The following PDE4B variants were observed in gnomAD, a reference collection of about 807,000 sequenced individuals.
PDE4B encodes 3',5'-cyclic-AMP phosphodiesterase 4B.
PDE4B carries 20 observed loss-of-function variants against 82.2 expected under a neutral mutation model. The observed-to-expected ratio is 0.24, with a 90% CI of 0.17 to 0.35. PDE4B has a LOEUF of 0.35. PDE4B is among the 10% of genes least tolerant of loss of function. The pLI is 1.00. For synonymous variants in PDE4B, 320 were observed against 318.9 expected (o/e 1.00, Z -0.04); for missense variants, 655 against 907.2 (o/e 0.72, Z 3.57).
chr1:66,032,670 T>A (rs1653848474), intron 3 of PDE4B, among the ~76,000 whole-genome samples: 1 of 151,140 alleles, frequency 6.6e-6, no homozygotes, highest in Non-Finnish European at 1.5e-5. Context: ...TTTTTTTTTT[T>A]TTTGAGAAGG....
At chr1:66,042,642 T>C (rs1654450295) in intron 3 of PDE4B, 1 of 151,780 alleles carries the variant, frequency 6.6e-6, no homozygotes, top group African/African-American at 2.4e-5. Flanking sequence ...CTTTTAAGGA[T>C]ATTGTCCTTA....
At chr1:65,890,348 T>C (rs185062717) in intron 1 of PDE4B, among the ~76,000 whole-genome samples, 1 of 152,060 alleles carries the variant, frequency 6.6e-6, no homozygotes, top group Non-Finnish European at 1.5e-5. Flanking sequence ...TTAAATACAG[T>C]TAAAATCTAA....
intron 3 of PDE4B, among the ~76,000 whole-genome samples, chr1:66,197,844 A>G (rs1011722376): frequency 6.6e-5 from 10 of 152,152 alleles, no homozygotes; most frequent in Admixed American, 2.6e-4. Flanking sequence ...GAGAGAGAGA[A>G]AAAAAAGAAG....
chr1:66,076,609 G>A (rs1034644235), intron 3 of PDE4B, among the ~76,000 whole-genome samples: 1 of 152,162 alleles, frequency 6.6e-6, no homozygotes, highest in African/African-American at 2.4e-5. Context: ...GATCTACACA[G>A]TGGCTGGGTA....
intron 3 of PDE4B, among the ~76,000 whole-genome samples, chr1:66,017,095 C>T (rs1229058170): frequency 6.6e-6 from 1 of 152,094 alleles, no homozygotes; most frequent in Non-Finnish European, 1.5e-5. Context: ...TTTGATTGTG[C>T]CTATATAAGC....
chr1:65,993,888 A>G (rs1651386866), intron 3 of PDE4B, among the ~76,000 whole-genome samples: 1 of 152,188 alleles, frequency 6.6e-6, no homozygotes. Context: ...GTATGTAAAT[A>G]TAGTAGGGTA....
At chr1:65,983,251 G>A (rs923313082) in intron 3 of PDE4B, among the ~76,000 whole-genome samples, 1 of 152,164 alleles carries the variant, frequency 6.6e-6, no homozygotes, top group Non-Finnish European at 1.5e-5. Flanking sequence ...CATACTTCAA[G>A]TTTCACCCAT....
chr1:65,963,871 C>CT (rs1404862811), intron 3 of PDE4B, among the ~76,000 whole-genome samples: 1 of 152,110 alleles, frequency 6.6e-6, no homozygotes, highest in Admixed American at 6.6e-5. Flanking sequence ...GTACAAATAC[C>CT]TTTTTACCTG....
intron 3 of PDE4B, among the ~76,000 whole-genome samples, chr1:66,144,443 C>A (rs1471809281): frequency 2.0e-5 from 3 of 152,116 alleles, no homozygotes; most frequent in African/African-American, 7.2e-5. Flanking sequence ...TCCTGAAACT[C>A]TAGTAGAGAA....
At chr1:66,202,729 G>A (rs1345961094) in intron 3 of PDE4B, among the ~76,000 whole-genome samples, 1 of 151,952 alleles carries the variant, frequency 6.6e-6, no homozygotes, top group Non-Finnish European at 1.5e-5. Context: ...TTTATTTTGA[G>A]TCTACGTGTG....
chr1:66,131,590 C>CATATAT (rs1645944622), intron 3 of PDE4B, among the ~76,000 whole-genome samples: 1 of 15,952 alleles, frequency 6.3e-5, no homozygotes. Context: ...TTCTGAATGC[C>CATATAT]AGATATATAT....
At chr1:66,284,949 C>A (rs1656564977) in intron 7 of PDE4B, among the ~76,000 whole-genome samples, 1 of 152,130 alleles carries the variant, frequency 6.6e-6, no homozygotes, top group Non-Finnish European at 1.5e-5. Context: ...TGACAGGAAG[C>A]AGATTCAGGC....
intron 3 of PDE4B, among the ~76,000 whole-genome samples, chr1:66,085,845 A>G (rs74087936): frequency 3.9e-4 from 60 of 152,106 alleles, no homozygotes; most frequent in African/African-American, 1.3e-3. Context: ...CAAAAAATAG[A>G]TGTTTTGACT....
intron 3 of PDE4B, among the ~76,000 whole-genome samples, chr1:66,020,395 A>G (rs1466378720): frequency 6.6e-6 from 1 of 152,094 alleles, no homozygotes; most frequent in Middle Eastern, 3.2e-3. Flanking sequence ...TACATGTGCC[A>G]TGTTGGTGTG....
At chr1:66,198,904 T>A (rs1275056578) in intron 3 of PDE4B, among the ~76,000 whole-genome samples, 1 of 152,136 alleles carries the variant, frequency 6.6e-6, no homozygotes, top group Non-Finnish European at 1.5e-5. Flanking sequence ...AGTGATGATT[T>A]CAAGTTTCAT....
intron 7 of PDE4B, among the ~76,000 whole-genome samples, chr1:66,280,988 C>A: frequency 6.6e-6 from 1 of 152,246 alleles, no homozygotes; most frequent in East Asian, 1.9e-4. Flanking sequence ...CAGGTACCTG[C>A]ACGGGCATCA....
chr1:66,282,702 C>A (rs1656383167), intron 7 of PDE4B, among the ~76,000 whole-genome samples: 1 of 152,162 alleles, frequency 6.6e-6, no homozygotes, highest in South Asian at 2.1e-4. Flanking sequence ...AGAAGTAAAT[C>A]CTTTAACCTT....
chr1:65,956,253 G>A (rs1463600473), intron 3 of PDE4B, among the ~76,000 whole-genome samples: 1 of 152,122 alleles, frequency 6.6e-6, no homozygotes, highest in African/African-American at 2.4e-5. Context: ...TCTTAATTCA[G>A]CACATTTTGA....
chr1:66,056,527 T>A (rs1655309022), intron 3 of PDE4B, among the ~76,000 whole-genome samples: 1 of 56,692 alleles, frequency 1.8e-5, no homozygotes, highest in South Asian at 9.2e-4. Flanking sequence ...TATCTATCTA[T>A]CTATCATCTA....
Sources: allele counts gnomAD v4.1 joint callset (sites outside exome capture counted in the v4.1 genomes callset), GRCh38; gene constraint gnomAD v4.1.1; transcripts MANE v1.5; gene names NCBI Gene and HGNC (gene_info 2026-07-23, HGNC 2026-07-21).